The following MAGI2 variants were observed in gnomAD, a reference collection of about 807,000 sequenced individuals.
The protein encoded by MAGI2 is membrane associated guanylate kinase, WW and PDZ domain containing 2.
A neutral mutation model predicts 133.3 loss-of-function variants in MAGI2; 35 were observed. The observed-to-expected ratio is 0.26, with a 90% CI of 0.20 to 0.35. The LOEUF (loss-of-function observed/expected upper bound fraction) is 0.35, where lower values mean the gene tolerates loss of function less well. MAGI2 is among the 10% of genes least tolerant of loss of function. MAGI2 has a pLI of 1.00. For missense variants in MAGI2, 1,636 were observed against 1,863.4 expected (o/e 0.88, Z 2.25); for synonymous variants, 729 against 710.6 (o/e 1.03, Z -0.41).
At chr7:79,026,198 T>A (rs944335355) in intron 1 of MAGI2, among the ~76,000 whole-genome samples, 2 of 152,166 alleles carry the variant, frequency 1.3e-5, no homozygotes, top group Admixed American at 1.3e-4. Flanking sequence ...ATATTCTCTA[T>A]TGCCCAATTA....
At chr7:78,866,780 A>G (rs1470181822) in intron 2 of MAGI2, among the ~76,000 whole-genome samples, 1 of 152,108 alleles carries the variant, frequency 6.6e-6, no homozygotes, top group African/African-American at 2.4e-5. Context: ...AGATGGACAG[A>G]AAGGGGGACA....
intron 1 of MAGI2, among the ~76,000 whole-genome samples, chr7:79,016,051 G>A (rs891493214): frequency 6.6e-6 from 1 of 151,480 alleles, no homozygotes; most frequent in Non-Finnish European, 1.5e-5. Flanking sequence ...TCTCCCTGGG[G>A]GCCCCTGGAA....
At chr7:78,590,334 T>A (rs1214377649) in intron 3 of MAGI2, among the ~76,000 whole-genome samples, 2 of 151,998 alleles carry the variant, frequency 1.3e-5, no homozygotes, top group African/African-American at 4.8e-5. Context: ...AAAAGAACAG[T>A]TTGGTCCTGG....
At chr7:78,425,112 T>A (rs567891311) in intron 6 of MAGI2, among the ~76,000 whole-genome samples, 12 of 152,148 alleles carry the variant, frequency 7.9e-5, no homozygotes, top group Admixed American at 3.9e-4. Flanking sequence ...TTCCTACATG[T>A]CTTGGGAAGA....
intron 2 of MAGI2, among the ~76,000 whole-genome samples, chr7:78,736,557 A>T (rs1821867506): frequency 6.6e-6 from 1 of 152,228 alleles, no homozygotes; most frequent in Non-Finnish European, 1.5e-5. Flanking sequence ...TGTAGTGTGT[A>T]GACCCCTGAG....
chr7:78,070,925 G>A (rs1039971912), intron 21 of MAGI2, among the ~76,000 whole-genome samples: 10 of 151,796 alleles, frequency 6.6e-5, no homozygotes, highest in Non-Finnish European at 1.2e-4. Context: ...CACTCACCTC[G>A]GCCTCCCAAA....
Position 79,226,999 on chromosome 7 carries a change from GA to G in MAGI2, c.302-219794del, listed in dbSNP as rs200656967. 1.7e-3 allele frequency among the ~76,000 whole-genome samples: 250 copies of G among 151,160 alleles called. 1 individual carries two copies. Among genetic ancestry groups the G allele is most frequent in the South Asian group, 4.6e-3 (22 of 4,774 alleles). The stretch of plus-strand genomic sequence containing the variant: ...TTTTCAGTCTCTAAAGTAGCTGTGA[GA>G]AAAAAAAATCCTACTGAAGTAAACA... On this transcript the variant is annotated intron_variant, in intron 1 of 21. Coordinates refer to ENST00000354212, the MANE Select transcript of MAGI2 (RefSeq NM_012301.4).
chr7:78,127,329 A>G lies in MAGI2; in HGVS notation c.3291T>C (p.Asp1097=), dbSNP rs1185061974. The part of the protein sequence containing the change: ...PFTDYRQPPL[D]YRQPPGGDYQ... ...AGTCCCCTCCTGGGGGTTGCCTGTAATCCAGCGGGGGCTGCCTGTAGTCTG... is the reference window on the plus strand; with the variant it reads ...AGTCCCCTCCTGGGGGTTGCCTGTAGTCCAGCGGGGGCTGCCTGTAGTCTG... The change falls in exon 19 of 22, where the codon GAT becomes GAC. Residue 1097 remains aspartate (D), a synonymous_variant. Coordinates refer to ENST00000354212, the MANE Select transcript of MAGI2 (RefSeq NM_012301.4). 3 of 1,611,612 alleles carry G rather than the reference A, an allele frequency of 1.9e-6. No individual in the cohort carries two copies. The South Asian group carries it at 3.3e-5, about 18-fold the overall frequency.
At chr7:79,090,346 T>G (rs1468275058) in intron 1 of MAGI2, among the ~76,000 whole-genome samples, 1 of 152,072 alleles carries the variant, frequency 6.6e-6, no homozygotes, top group African/African-American at 2.4e-5. Flanking sequence ...TATAAAAATG[T>G]CTCTCCATAA....
intron 2 of MAGI2, among the ~76,000 whole-genome samples, chr7:78,787,384 CT>C (rs1826924155): frequency 6.6e-6 from 1 of 152,088 alleles, no homozygotes; most frequent in South Asian, 2.1e-4. Flanking sequence ...TAAAGATCTG[CT>C]TTGGGAGTAT....
At chr7:78,345,242 C>T (rs1584947525) in intron 8 of MAGI2, among the ~76,000 whole-genome samples, 1 of 152,122 alleles carries the variant, frequency 6.6e-6, no homozygotes, top group African/African-American at 2.4e-5. Flanking sequence ...ATAAGTTCAC[C>T]AGGAGACCTT....
At chr7:78,483,783 G>T (rs533165092) in intron 6 of MAGI2, among the ~76,000 whole-genome samples, 5 of 151,936 alleles carry the variant, frequency 3.3e-5, no homozygotes, top group Admixed American at 1.3e-4. Flanking sequence ...AGCTACAAAA[G>T]AATTGTTTCT....
At chr7:78,264,028 GCCT>G (rs1554311376) in intron 9 of MAGI2, among the ~76,000 whole-genome samples, 2 of 151,980 alleles carry the variant, frequency 1.3e-5, no homozygotes, top group Non-Finnish European at 2.9e-5. Flanking sequence ...CTTTCTGACC[GCCT>G]CCTTTAGCTG....
chr7:78,203,066 A>T (rs1480388715), intron 10 of MAGI2, among the ~76,000 whole-genome samples: 1 of 152,236 alleles, frequency 6.6e-6, no homozygotes, highest in Non-Finnish European at 1.5e-5. Flanking sequence ...TCAGTGAAGT[A>T]TAAAATTTAT....
At chr7:78,565,452 T>A (rs974046357) in intron 3 of MAGI2, among the ~76,000 whole-genome samples, 3 of 149,256 alleles carry the variant, frequency 2.0e-5, no homozygotes, top group Middle Eastern at 3.4e-3. Context: ...AGTGACAGAG[T>A]GAGACCCCAT....
rs746413907 is a variant in MAGI2 at position 78,849,549 on chromosome 7, GA to G, written c.418+157540del. On this transcript the variant is annotated intron_variant, in intron 2 of 21. Coordinates refer to ENST00000354212, the MANE Select transcript of MAGI2 (RefSeq NM_012301.4). ...GGAATTTAAAGTATAGGAAATAGGGGAAAAAAATGGTTAGAGTGAAAGGCAG... is the reference window on the plus strand; with the variant it reads ...GGAATTTAAAGTATAGGAAATAGGGGAAAAAATGGTTAGAGTGAAAGGCAG... Among the ~76,000 whole-genome samples, 45 of 152,022 alleles carry G rather than the reference GA, an allele frequency of 3.0e-4. No individual in the cohort carries two copies. In the East Asian group the frequency reaches 4.7e-3, roughly 16 times the overall value.
intron 3 of MAGI2, among the ~76,000 whole-genome samples, chr7:78,561,033 C>G (rs1800347590): frequency 6.6e-6 from 1 of 152,016 alleles, no homozygotes. Context: ...AATAGAGGAG[C>G]AATGTTGGAA....
intron 2 of MAGI2, among the ~76,000 whole-genome samples, chr7:78,646,168 A>G (rs1810871423): frequency 6.6e-6 from 1 of 152,230 alleles, no homozygotes; most frequent in African/African-American, 2.4e-5. Flanking sequence ...GAGGAGATTC[A>G]ATTGTATCTG....
chr7:79,328,769 C>T (rs1839870631), intron 1 of MAGI2, among the ~76,000 whole-genome samples: 1 of 150,306 alleles, frequency 6.7e-6, no homozygotes, highest in African/African-American at 2.5e-5. Context: ...ATAGAAATAG[C>T]TTAGTTTTCT....
Sources: gnomAD v4.1 joint callset for allele counts (sites outside exome capture counted in the v4.1 genomes callset) on GRCh38, gnomAD v4.1.1 for gene constraint, MANE v1.5 for transcripts, NCBI Gene and HGNC (gene_info 2026-07-23, HGNC 2026-07-21) for gene names.